The following RPAP2 variants were observed in gnomAD, a reference collection of about 807,000 sequenced individuals.
RPAP2 encodes RNA polymerase II associated protein 2, also known as putative RNA polymerase II subunit B1 CTD phosphatase RPAP2.
A neutral mutation model predicts 73.1 loss-of-function variants in RPAP2; 52 were observed. That is an observed-to-expected ratio of 0.71 (90% CI 0.57 to 0.90). The LOEUF is 0.90. RPAP2 is among the 40% of genes least tolerant of loss of function. RPAP2 has a pLI of 0.00. For synonymous variants in RPAP2, 225 were observed against 242.1 expected (o/e 0.93, Z 0.65); for missense variants, 598 against 701.8 (o/e 0.85, Z 1.67).
chr1:92,335,835 A>G (rs1459724227), intron 9 of RPAP2, among the ~76,000 whole-genome samples: 1 of 152,170 alleles, frequency 6.6e-6, no homozygotes, highest in Non-Finnish European at 1.5e-5. Context: ...TGCAACAAGC[A>G]TATTTTTTAT....
chr1:92,337,871 A>G (rs1007601945), intron 10 of RPAP2, among the ~76,000 whole-genome samples: 1 of 152,150 alleles, frequency 6.6e-6, no homozygotes, highest in African/African-American at 2.4e-5. Flanking sequence ...ACTAGTAGGT[A>G]ATACATTTCT....
In RPAP2 at chr1:92,335,089, G is replaced by T. The variant is rs146082171; in HGVS notation, c.1539-1258G>T. Among the ~76,000 whole-genome samples, 347 of 152,276 alleles carry T rather than the reference G, an allele frequency of 2.3e-3. 1 individual carries two copies. The highest frequency in any genetic ancestry group is 7.9e-3 in the African/African-American group (329 of 41,546). On this transcript the variant is annotated intron_variant, in intron 9 of 12. Coordinates refer to ENST00000610020, the MANE Select transcript of RPAP2 (RefSeq NM_024813.3). ...GAGCACGAGAGTTTGAGTCTGCAGT[G>T]AGCTATGATTATGCTCGTGATTAAA...
intron 11 of RPAP2, among the ~76,000 whole-genome samples, chr1:92,360,488 A>G (rs1654682009): frequency 6.6e-6 from 1 of 152,192 alleles, no homozygotes; most frequent in Non-Finnish European, 1.5e-5. Flanking sequence ...AAATTGTCAG[A>G]AGATTCTCAG....
rs145227558 is a variant in RPAP2, at chr1:92,374,280, G to A, written c.1689-6444G>A. On this transcript the variant is annotated intron_variant, in intron 11 of 12. Transcript: ENST00000610020. ...AACATCCAATACTGCAGTTAACTAG[G>A]AAGAGAACACAGAAGAGCCTTTCAG... 7.2e-5 allele frequency among the ~76,000 whole-genome samples: 11 copies of A among 152,298 alleles called. No homozygotes were observed. In the East Asian group the frequency reaches 7.7e-4, roughly 11 times the overall value.
chr1:92,324,510 T>G (rs1446563043), intron 8 of RPAP2, 135 bp downstream of exon 8: 1 of 717,118 alleles, frequency 1.4e-6, no homozygotes, highest in African/African-American at 1.8e-5. Context: ...ATTCTGCCTT[T>G]TGGTTTACAG....
intron 12 of RPAP2, among the ~76,000 whole-genome samples, chr1:92,386,687 T>A (rs1424088921): frequency 6.6e-6 from 1 of 152,082 alleles, no homozygotes; most frequent in Non-Finnish European, 1.5e-5. Flanking sequence ...CTTTACATGT[T>A]TTTTTGTTGT....
rs1326599248 is a variant in RPAP2, at chr1:92,391,219, G to A, written c.*4208G>A. On this transcript the variant is annotated 3_prime_UTR_variant, in exon 13 of 13. Transcript: ENST00000610020. ...ACAATGCAATCAAATTAGAACTCAG[G>A]ATCAAGAATCTCACTCAACTGCACA... 2.0e-5 allele frequency: 3 copies of A among 152,074 alleles called. No individual in the cohort carries two copies. Among genetic ancestry groups the A allele is most frequent in the Non-Finnish European group, 4.4e-5 (3 of 68,018 alleles). The allele number at this position is 152,074 out of a possible 1,614,324, so 9.4% of individuals were successfully genotyped here.
chr1:92,347,259 C>A (rs2101315557), intron 11 of RPAP2, among the ~76,000 whole-genome samples: 1 of 152,234 alleles, frequency 6.6e-6, no homozygotes, highest in Admixed American at 6.5e-5. Flanking sequence ...TGAAACAGAT[C>A]TTATTAATTT....
Position 92,304,273 on chromosome 1 carries a change from CT to C in RPAP2, c.334-7del. ...TGGATTCTTTTGTAAGCTGTACTTT[CT>C]TTTCTTTAGGTACCAAAACAGAAAT... On this transcript the variant is annotated splice_polypyrimidine_tract_variant and intron_variant, in intron 4 of 12. Transcript: ENST00000610020. 7.0e-7 allele frequency: 1 copy of C among 1,433,394 alleles called. No homozygotes were observed. The highest frequency in any genetic ancestry group is 9.7e-7 in the Non-Finnish European group (1 of 1,028,456). The allele number at this position is 1,433,394 out of a possible 1,614,324, so 88.8% of individuals were successfully genotyped here. A position where few individuals can be genotyped will look rare whatever the true frequency, so the allele number is the denominator to read the frequency against.
chr1:92,363,838 G>T, intron 11 of RPAP2: 1 of 250,066 alleles, frequency 4.0e-6, no homozygotes, highest in Non-Finnish European at 8.0e-6. Flanking sequence ...TTTATTATAA[G>T]GATCTAATAC....
intron 7 of RPAP2, 70 bp from the exon 8 acceptor site, chr1:92,323,375 C>T (rs1009406000): frequency 2.2e-5 from 26 of 1,167,784 alleles, no homozygotes; most frequent in Non-Finnish European, 3.0e-5. Flanking sequence ...GGGTACTTTA[C>T]TTTTCTATTG....
chr1:92,301,083 G>C (rs1353475077), intron 2 of RPAP2, among the ~76,000 whole-genome samples: 1 of 152,214 alleles, frequency 6.6e-6, no homozygotes, highest in Non-Finnish European at 1.5e-5. Flanking sequence ...TGCGTGCTAA[G>C]TAGACATTAA....
At chr1:92,360,624 G>C (rs1015638785) in intron 11 of RPAP2, among the ~76,000 whole-genome samples, 1 of 152,070 alleles carries the variant, frequency 6.6e-6, no homozygotes, top group Non-Finnish European at 1.5e-5. Context: ...CATCAAAGGT[G>C]TATTTGCCTC....
chr1:92,391,474 TA>T lies in RPAP2; in HGVS notation c.*4464del, dbSNP rs1350353175. On this transcript the variant is annotated 3_prime_UTR_variant, in exon 13 of 13. Transcript: ENST00000610020. ...ACCCTAACATCACAATTAAAAGAACTAGAGAAGCAAGACCAAACAAATTCAA... is the reference window on the plus strand; with the variant it reads ...ACCCTAACATCACAATTAAAAGAACTGAGAAGCAAGACCAAACAAATTCAA... 1.3e-5 allele frequency: 2 copies of T among 151,962 alleles called. No individual in the cohort carries two copies. The highest frequency in any genetic ancestry group is 6.6e-5 in the Admixed American group (1 of 15,250). 9.4% of individuals were successfully genotyped at this position (151,962 alleles called of 1,614,324 possible). A position where few individuals can be genotyped will look rare whatever the true frequency, so the allele number is the denominator to read the frequency against.
At chr1:92,305,023 T>G (rs1197710676) in intron 5 of RPAP2, among the ~76,000 whole-genome samples, 1 of 151,966 alleles carries the variant, frequency 6.6e-6, no homozygotes, top group Non-Finnish European at 1.5e-5. Context: ...TAGTCCCAGC[T>G]ACTCAGAAAG....
rs1246917490 is a variant in RPAP2 at position 92,395,200 on chromosome 1, A to C, written c.*8189A>C. 3 of 152,198 alleles carry C rather than the reference A, an allele frequency of 2.0e-5. No individual in the cohort carries two copies. The highest frequency in any genetic ancestry group is 4.4e-5 in the Non-Finnish European group (3 of 68,032). 9.4% of individuals were successfully genotyped at this position (152,198 alleles called of 1,614,324 possible). Reference sequence around the variant, plus strand: ...CATGTAAGAGCTAAAACTATAAAACATGTAGAAGAAAACATGGGAGAAAAC... The same window carrying C: ...CATGTAAGAGCTAAAACTATAAAACCTGTAGAAGAAAACATGGGAGAAAAC... On this transcript the variant is annotated 3_prime_UTR_variant, in exon 13 of 13. Coordinates refer to ENST00000610020, the MANE Select transcript of RPAP2 (RefSeq NM_024813.3).
In RPAP2 at chr1:92,345,875, C is replaced by T. The variant is rs1653865146; in HGVS notation, c.1649C>T (p.Pro550Leu). The T allele has an allele frequency of 4.4e-6, 7 of 1,604,622 alleles. No individual in the cohort carries two copies. Among genetic ancestry groups the T allele is most frequent in the Non-Finnish European group, 6.0e-6 (7 of 1,172,592 alleles). ...ACAAATAGAAATATTATACACAAAC[C>T]TGCGGAATGGACTTTAATTGCTATG... Reference protein sequence around the residue: ...RLTNRNIIHKPAEWTLIAMVL... With the variant: ...RLTNRNIIHKLAEWTLIAMVL... The change falls in exon 11 of 13, where the codon CCT becomes CTT. Residue 550 changes from proline (P) to leucine (L), a missense_variant. Around this residue, in one of 3 missense-constraint regions of RPAP2, gnomAD observed 506 missense variants for 612.8 expected, o/e 0.83. Transcript: ENST00000610020.
chr1:92,377,516 CAAAAAAAAAA>C (rs530908177), intron 11 of RPAP2, among the ~76,000 whole-genome samples: 1 of 76,608 alleles, frequency 1.3e-5, no homozygotes, highest in African/African-American at 5.3e-5. Flanking sequence ...AACTTTGTCT[CAAAAAAAAAA>C]AAAAAAAAAA....
rs36067595 is a variant in RPAP2, at chr1:92,302,590, A to ATTTTTTTTTTTTTTT, written c.234+1015_234+1029dup. On this transcript the variant is annotated intron_variant, in intron 3 of 12. Coordinates refer to ENST00000610020, the MANE Select transcript of RPAP2 (RefSeq NM_024813.3). ...ACGGGAGAATTAAATTCCGCATTAA[A>ATTTTTTTTTTTTTTT]TTTTTTTTTTTTTTTTTTTTTTTTT... is the stretch of plus-strand genomic sequence containing the variant. 6.7e-5 allele frequency among the ~76,000 whole-genome samples: 5 copies of ATTTTTTTTTTTTTTT among 74,338 alleles called. 1 individual carries two copies. Among genetic ancestry groups the ATTTTTTTTTTTTTTT allele is most frequent in the Non-Finnish European group, 1.2e-4 (5 of 43,254 alleles). The allele number at this position is 74,338 out of a possible 152,430, so 48.8% of individuals were successfully genotyped here. A position where few individuals can be genotyped will look rare whatever the true frequency, so the allele number is the denominator to read the frequency against.
Sources: gnomAD v4.1 joint callset for allele counts (sites outside exome capture counted in the v4.1 genomes callset) on GRCh38, gnomAD v4.1.1 for gene constraint, gnomAD v4.1.1 regional missense constraint, MANE v1.5 for transcripts, NCBI Gene and HGNC (gene_info 2026-07-23, HGNC 2026-07-21) for gene names.